Variants in ABCG5 observed in about 807,000 individuals in gnomAD.
The protein encoded by ABCG5 is ATP-binding cassette sub-family G member 5.
Under a neutral mutation model 64.5 loss-of-function variants are expected in ABCG5, and 64 were observed. That is an observed-to-expected ratio of 0.99 (90% CI 0.81 to 1.22). The LOEUF (loss-of-function observed/expected upper bound fraction) is 1.22, where lower values mean the gene tolerates loss of function less well. ABCG5 is among the 50% of genes most tolerant of loss of function. ABCG5 has a pLI of 0.00. For missense variants in ABCG5, 908 were observed against 829.5 expected, an observed-to-expected ratio of 1.09 and a Z score of -1.16; for synonymous variants, 385 against 326.3, an observed-to-expected ratio of 1.18 and a Z score of -1.94.
intron 10 of ABCG5, chr2:43,822,479 C>CTG (rs57240390): frequency 3.0e-6 from 2 of 668,664 alleles, no homozygotes; most frequent in African/African-American, 4.6e-5. Flanking sequence ...CTCCCCCAGG[C>CTG]CCCCCCCCAT....
intron 10 of ABCG5, chr2:43,822,459 G>T: frequency 2.2e-6 from 2 of 906,012 alleles, no homozygotes; most frequent in Non-Finnish European, 2.6e-6. Flanking sequence ...CATTCAGGCT[G>T]CTTTCTCCCC....
rs1442809103 is a variant in ABCG5 at position 43,822,808 on chromosome 2, A to C, written c.1452T>G (p.Ser484Arg). ...GAACAACCCCTCACCAGTAGCACAC[A>C]CTGCTGAAAATCATGGTGGCAACAA... The part of the protein sequence containing the change: ...FSVVATMIFS[S>R]VCYWTLGLHP... Residue 484 changes from serine to arginine, a missense_variant, in exon 10 of 13, where the codon AGT becomes AGG. Transcript: ENST00000405322. 2.4e-5 allele frequency: 38 copies of C among 1,613,982 alleles called. No individual in the cohort carries two copies. Among genetic ancestry groups the C allele is most frequent in the Non-Finnish European group, 3.0e-5 (35 of 1,179,990 alleles).
intron 4 of ABCG5, 106 bp from the exon 5 acceptor site, chr2:43,828,221 A>G: frequency 6.6e-7 from 1 of 1,513,596 alleles, no homozygotes. Context: ...CCAAGAATCC[A>G]AGGGCCACTT....
intron 10 of ABCG5, among the ~76,000 whole-genome samples, chr2:43,821,850 A>G (rs1298745409): frequency 6.6e-6 from 1 of 151,480 alleles, no homozygotes; most frequent in African/African-American, 2.4e-5. Context: ...TATCTTCATC[A>G]TCTCTATTTT....
rs1311745654 is a variant in ABCG5 at position 43,831,976 on chromosome 2, A to G, written c.373T>C (p.Phe125Leu). ...VNGRALRREQ[F>L]QDCFSYVLQS... ...AGGACGTAGGAGAAGCAGTCCTGGA[A>G]CTGCTCCCGGCGCAGCGCCCGGCCG... Residue 125 changes from phenylalanine to leucine, a missense_variant, in exon 3 of 13, where the codon TTC (phenylalanine) becomes CTC (leucine). Physicochemically the swap from Phe to Leu is conservative, Grantham distance 22. Coordinates refer to ENST00000405322, the MANE Select transcript of ABCG5 (RefSeq NM_022436.3). 8 of 1,552,068 alleles carry G rather than the reference A, an allele frequency of 5.2e-6. No homozygotes were observed. Among genetic ancestry groups the G allele is most frequent in the South Asian group, 1.2e-5 (1 of 84,156 alleles).
chr2:43,835,831 T>C (rs1668227166), intron 2 of ABCG5, among the ~76,000 whole-genome samples: 1 of 152,198 alleles, frequency 6.6e-6, no homozygotes, highest in East Asian at 1.9e-4. Context: ...GATCTCGGAC[T>C]TCCCAGCCCC....
intron 12 of ABCG5, among the ~76,000 whole-genome samples, chr2:43,813,719 T>G (rs1208209238): frequency 2.1e-4 from 26 of 125,876 alleles, no homozygotes; most frequent in African/African-American, 7.3e-4. Context: ...GTTTTTTTTT[T>G]TTTTTTTTTT....
In ABCG5 at chr2:43,821,902, T is replaced by G. The variant is rs112757465; in HGVS notation, c.1463+895A>C. Among the ~76,000 whole-genome samples, 15 of 152,192 alleles carry G rather than the reference T, an allele frequency of 9.9e-5. 1 individual carries two copies. Among genetic ancestry groups the G allele is most frequent in the African/African-American group, 3.6e-4 (15 of 41,518 alleles). ...CCCCTCTCTTCCCGCACCCCATCTT[T>G]GAAAGTGTGACCCTAGCTGCTTGCA... is the stretch of plus-strand genomic sequence containing the variant. On this transcript the variant is annotated intron_variant, in intron 10 of 12. Coordinates refer to ENST00000405322, the MANE Select transcript of ABCG5 (RefSeq NM_022436.3).
intron 11 of ABCG5, among the ~76,000 whole-genome samples, chr2:43,815,998 G>T (rs1666798005): frequency 6.6e-6 from 1 of 151,970 alleles, no homozygotes; most frequent in Non-Finnish European, 1.5e-5. Context: ...CCATGAGATG[G>T]TGGCTGCCTA....
Position 43,824,960 on chromosome 2 carries a change from G to T in ABCG5, c.833C>A (p.Ala278Glu), listed in dbSNP as rs566982836. 2 of 1,614,002 alleles carry T rather than the reference G, an allele frequency of 1.2e-6. No homozygotes were observed. Among genetic ancestry groups the T allele is most frequent in the Non-Finnish European group, 1.7e-6 (2 of 1,179,934 alleles). ...GTCATTGAAGAAATCAAGCATTTCC[G>T]CTGGCGTGCCACAGAAAATCAGCTC... ...FGELIFCGTP[A>E]EMLDFFNDCG... The change falls in exon 7 of 13, where the codon GCG becomes GAG. Residue 278 changes from alanine to glutamate, a missense_variant. Coordinates refer to ENST00000405322, the MANE Select transcript of ABCG5 (RefSeq NM_022436.3).
rs1404218188 is a variant in ABCG5, at chr2:43,820,035, TG to T, written c.1528del (p.His510ThrfsTer2). 9 of 1,614,026 alleles carry T rather than the reference TG, an allele frequency of 5.6e-6. No homozygotes were observed. The highest frequency in any genetic ancestry group is 5.0e-5 in the Admixed American group (3 of 60,002). On this transcript the variant is annotated frameshift_variant, in exon 11 of 13. Coordinates refer to ENST00000405322, the MANE Select transcript of ABCG5 (RefSeq NM_022436.3). LOFTEE classifies it high-confidence loss of function. ...GYFSAALLAP[H>X]LIGEFLTLVL... ...AAGAGTTAGAAATTCACCAATTAAGTGGGGGGCCAAGAGAGCAGCAGAAAAA... is the reference window on the plus strand; with the variant it reads ...AAGAGTTAGAAATTCACCAATTAAGTGGGGGCCAAGAGAGCAGCAGAAAAA...
At chr2:43,808,141 C>T (rs1012204925), downstream of ABCG5, among the ~76,000 whole-genome samples, 1 of 151,516 alleles carries the variant, frequency 6.6e-6, no homozygotes, top group Non-Finnish European at 1.5e-5. Flanking sequence ...TCTTTAAAAC[C>T]GCAAGTGGTA....
chr2:43,837,773 T>G, intron 2 of ABCG5, 61 bp downstream of exon 2: 1 of 1,608,666 alleles, frequency 6.2e-7, no homozygotes, highest in Non-Finnish European at 8.5e-7. Flanking sequence ...TTAATCTGTT[T>G]CTTCAATGTG....
At chr2:43,839,048 G>A (rs566362108), upstream of ABCG5, 3 of 1,550,796 alleles carry the variant, frequency 1.9e-6, no homozygotes, top group Non-Finnish European at 2.6e-6. Flanking sequence ...CAGACCTGTG[G>A]GCCCCATGGC....
chr2:43,831,723 G>A, intron 4 of ABCG5, 46 bp downstream of exon 4: 1 of 1,517,482 alleles, frequency 6.6e-7, no homozygotes, highest in Non-Finnish European at 8.9e-7. Flanking sequence ...AGCGGGGGGT[G>A]CAAAGGTACT....
chr2:43,831,932 G>T lies in ABCG5; in HGVS notation c.402+15C>A, dbSNP rs1267639186. ...GGGCGGGCGGGGGGGCCAGGGGTGT[G>T]GGGGACGCGCCCACCTGCAGGACGT... On this transcript the variant is annotated intron_variant, in intron 3 of 12. Coordinates refer to ENST00000405322, the MANE Select transcript of ABCG5 (RefSeq NM_022436.3). 2 of 1,548,332 alleles carry T rather than the reference G, an allele frequency of 1.3e-6. No homozygotes were observed. The highest frequency in any genetic ancestry group is 4.9e-5 in the East Asian group (2 of 40,936).
At chr2:43,808,964 TACACACACACAC>T (rs56090427), downstream of ABCG5, among the ~76,000 whole-genome samples, 10 of 145,574 alleles carry the variant, frequency 6.9e-5, no homozygotes, top group South Asian at 6.8e-4. Flanking sequence ...GGACAAAGGA[TACACACACACAC>T]ACACACACAC....
Position 43,819,962 on chromosome 2 carries a change from C to G in ABCG5, c.1602G>C (p.Val534=), listed in dbSNP as rs1280735521. Residue 534 remains valine (V), a synonymous_variant, in exon 11 of 13, where the codon GTG becomes GTC. Transcript: ENST00000405322. ...GCACCCCCGCAATGGACAGCAGAGC[C>G]ACTACACTGTTGACTATATTTGGAT... ...VQNPNIVNSV[V]ALLSIAGVLV... 8 of 1,614,002 alleles carry G rather than the reference C, an allele frequency of 5.0e-6. No individual in the cohort carries two copies. The highest frequency in any genetic ancestry group is 6.8e-6 in the Non-Finnish European group (8 of 1,180,024).
chr2:43,824,079 C>G lies in ABCG5; in HGVS notation c.1158G>C (p.Val386=), dbSNP rs1355716023. 2 of 1,614,112 alleles carry G rather than the reference C, an allele frequency of 1.2e-6. No individual in the cohort carries two copies. Among genetic ancestry groups the G allele is most frequent in the Non-Finnish European group, 1.7e-6 (2 of 1,180,050 alleles). Residue 386 remains valine, a synonymous_variant, in exon 9 of 13, where the codon GTG becomes GTC. Transcript: ENST00000405322. ...TRNLVRNKLA[V]ITRLLQNLIM... is the part of the protein sequence containing the mutation. ...TCAGATTCTGAAGGAGACGCGTAAT[C>G]ACTGCCAGCTTATTTCTCACCAAGT... is the stretch of plus-strand genomic sequence containing the variant.
Sources: allele counts gnomAD v4.1 joint callset (sites outside exome capture counted in the v4.1 genomes callset), GRCh38; gene constraint gnomAD v4.1.1; transcripts MANE v1.5; gene names NCBI Gene and HGNC (gene_info 2026-07-23, HGNC 2026-07-21).